Variants in WWOX observed in about 807,000 individuals in gnomAD.
WWOX encodes WW domain containing oxidoreductase.
A neutral mutation model predicts 46.2 loss-of-function variants in WWOX; 69 were observed. The observed-to-expected ratio is 1.49, with a 90% CI of 1.23 to 1.82. The LOEUF (loss-of-function observed/expected upper bound fraction) is 1.82, where lower values mean the gene tolerates loss of function less well. Ranked by LOEUF, WWOX falls within the 40% of genes most tolerant of loss-of-function variation. The pLI is 0.00. For missense variants in WWOX, 919 were observed against 542.6 expected, an observed-to-expected ratio of 1.69 and a Z score of -6.89; for synonymous variants, 359 against 202.6, an observed-to-expected ratio of 1.77 and a Z score of -6.56.
chr16:78,575,097 T>A (rs1474113135), intron 8 of WWOX, among the ~76,000 whole-genome samples: 8 of 51,610 alleles, frequency 1.6e-4, no homozygotes, highest in East Asian at 6.5e-4. Flanking sequence ...ATATATATAT[T>A]TAAAGCTGTC....
intron 8 of WWOX, among the ~76,000 whole-genome samples, chr16:78,930,582 C>T (rs1301562841): frequency 1.3e-5 from 2 of 149,644 alleles, no homozygotes; most frequent in East Asian, 2.0e-4. Context: ...TAGGCTGCTG[C>T]ACCAGGCAAG....
chr16:78,785,527 C>T (rs975225622), intron 8 of WWOX, among the ~76,000 whole-genome samples: 5 of 152,282 alleles, frequency 3.3e-5, no homozygotes, highest in Admixed American at 2.6e-4. Context: ...TATTATTTCT[C>T]TGAAATATGG....
intron 8 of WWOX, among the ~76,000 whole-genome samples, chr16:78,858,569 A>G (rs1172216883): frequency 6.6e-6 from 1 of 152,118 alleles, no homozygotes; most frequent in Non-Finnish European, 1.5e-5. Context: ...ATAGTGGTAG[A>G]TAACTTCTAT....
intron 8 of WWOX, among the ~76,000 whole-genome samples, chr16:78,667,222 T>G (rs1008857942): frequency 1.3e-5 from 2 of 152,196 alleles, no homozygotes; most frequent in Non-Finnish European, 2.9e-5. Flanking sequence ...GCATTTAAAT[T>G]TTAGGTTTCT....
At chr16:79,080,611 A>T (rs577125438) in intron 8 of WWOX, among the ~76,000 whole-genome samples, 1 of 152,170 alleles carries the variant, frequency 6.6e-6, no homozygotes, top group Non-Finnish European at 1.5e-5. Context: ...GATGGACTCA[A>T]TCTGGACCCA....
intron 8 of WWOX, among the ~76,000 whole-genome samples, chr16:79,105,047 T>C (rs5009398): frequency 0.42 from 64,156 of 151,810 alleles, 14,689 homozygotes; most frequent in African/African-American, 0.61. Context: ...GTTTTCAGTT[T>C]ACAAAAGTGG....
chr16:78,836,604 A>G lies in WWOX; in HGVS notation c.1057-375004A>G, dbSNP rs544954529. Among the ~76,000 whole-genome samples, 13 of 152,302 alleles carry G rather than the reference A, an allele frequency of 8.5e-5. No individual in the cohort carries two copies. The East Asian group carries it at 1.5e-3, about 18-fold the overall frequency. ...TCCTGCACTGCACCAGGCCTTGCCA[A>G]TACAGTACCTCATTTAATTCTTGCT... On this transcript the variant is annotated intron_variant, in intron 8 of 8. Coordinates refer to ENST00000566780, the MANE Select transcript of WWOX (RefSeq NM_016373.4).
At chr16:78,804,501 C>A (rs1365959602) in intron 8 of WWOX, among the ~76,000 whole-genome samples, 1 of 152,066 alleles carries the variant, frequency 6.6e-6, no homozygotes, top group Non-Finnish European at 1.5e-5. Context: ...AACAAGCGCA[C>A]ATGCGAAGCG....
intron 8 of WWOX, among the ~76,000 whole-genome samples, chr16:79,040,686 T>C (rs1254280703): frequency 1.3e-5 from 2 of 152,086 alleles, no homozygotes; most frequent in African/African-American, 4.8e-5. Context: ...CCTCCCCAGC[T>C]ACCCTGCAAA....
chr16:78,454,010 A>G (rs557899725), intron 8 of WWOX, among the ~76,000 whole-genome samples: 358 of 152,208 alleles, frequency 2.4e-3, no homozygotes, highest in African/African-American at 8.3e-3. Flanking sequence ...AGTTTTTGTG[A>G]TGGGGTGATT....
intron 8 of WWOX, among the ~76,000 whole-genome samples, chr16:79,039,499 T>C (rs1437200212): frequency 6.6e-6 from 1 of 152,150 alleles, no homozygotes; most frequent in Admixed American, 6.5e-5. Flanking sequence ...TCGTAAAGGC[T>C]GATTAGAAAC....
intron 4 of WWOX, chr16:78,123,216 C>T (rs928852062): frequency 6.6e-6 from 1 of 151,866 alleles, no homozygotes; most frequent in South Asian, 2.1e-4. Flanking sequence ...TGAAGGGATC[C>T]ACTTAATAAA....
At position 78,862,179 on chromosome 16, in the gene WWOX, G is replaced by A. The variant is rs1031451495; in HGVS notation, c.1057-349429G>A. On this transcript the variant is annotated intron_variant, in intron 8 of 8. Coordinates refer to ENST00000566780, the MANE Select transcript of WWOX (RefSeq NM_016373.4). ...GTGTCTGTCTGTATCTATACACACC[G>A]ATGGGTGTGTCTGTCTGTATCTTTA... Among the ~76,000 whole-genome samples the A allele has an allele frequency of 5.7e-5, 8 of 139,924 alleles. No homozygotes were observed. The East Asian group carries it at 8.2e-4, about 14-fold the overall frequency. 91.8% of individuals were successfully genotyped at this position (139,924 alleles called of 152,430 possible). A position where few individuals can be genotyped will look rare whatever the true frequency, so the allele number is the denominator to read the frequency against.
intron 8 of WWOX, among the ~76,000 whole-genome samples, chr16:78,910,502 TTTTG>T (rs2045081427): frequency 1.4e-5 from 1 of 71,204 alleles, no homozygotes; most frequent in Non-Finnish European, 3.3e-5. Flanking sequence ...TATCAGGATC[TTTTG>T]TTTTTTTTTT....
At chr16:78,391,741 A>G (rs1414050760) in intron 6 of WWOX, among the ~76,000 whole-genome samples, 1 of 152,164 alleles carries the variant, frequency 6.6e-6, no homozygotes, top group Non-Finnish European at 1.5e-5. Flanking sequence ...CCAGCTACTC[A>G]GGAGGCTGAG....
intron 8 of WWOX, among the ~76,000 whole-genome samples, chr16:78,595,067 G>A (rs530861648): frequency 1.3e-5 from 2 of 152,336 alleles, no homozygotes; most frequent in East Asian, 1.9e-4. Flanking sequence ...GGGGACCCCA[G>A]GGTGGAAGCT....
chr16:78,942,460 G>T (rs1039559645), intron 8 of WWOX, among the ~76,000 whole-genome samples: 5 of 152,098 alleles, frequency 3.3e-5, no homozygotes, highest in Admixed American at 6.5e-5. Context: ...TAAGTCTGTT[G>T]CCCCAAATAA....
chr16:78,806,088 A>G (rs1396350393), intron 8 of WWOX, among the ~76,000 whole-genome samples: 1 of 152,194 alleles, frequency 6.6e-6, no homozygotes, highest in Non-Finnish European at 1.5e-5. Context: ...ATATAATCCC[A>G]TAAATCTAAA....
At chr16:78,590,733 A>G (rs1015109162) in intron 8 of WWOX, among the ~76,000 whole-genome samples, 2 of 152,174 alleles carry the variant, frequency 1.3e-5, no homozygotes, top group Non-Finnish European at 2.9e-5. Context: ...AGGAGTTGCA[A>G]GGTCGGGTAG....
Sources: allele counts gnomAD v4.1 joint callset (sites outside exome capture counted in the v4.1 genomes callset), GRCh38; gene constraint gnomAD v4.1.1; transcripts MANE v1.5; gene names NCBI Gene and HGNC (gene_info 2026-07-23, HGNC 2026-07-21).